The following ALG1L2 variants were observed in gnomAD, a reference collection of about 807,000 sequenced individuals.
The protein encoded by ALG1L2 is ALG1 chitobiosyldiphosphodolichol beta-mannosyltransferase like 2.
A neutral mutation model predicts 29.0 loss-of-function variants in ALG1L2; 32 were observed. That is an observed-to-expected ratio of 1.10 (90% confidence interval 0.83 to 1.48). The LOEUF is 1.48. ALG1L2 is among the 40% of genes most tolerant of loss of function. ALG1L2 has a pLI of 0.00. For synonymous variants in ALG1L2, 110 were observed against 109.5 expected (o/e 1.00, Z -0.03); for missense variants, 318 against 274.1 (o/e 1.16, Z -1.13).
At chr3:130,089,505 AAG>A (rs1934963490) in intron 1 of ALG1L2, 2 of 152,410 alleles carry the variant, frequency 1.3e-5, no homozygotes, top group African/African-American at 2.4e-5. Flanking sequence ...AGAAAAAAAA[AAG>A]AACATAAAAT....
chr3:130,091,162 G>T (rs1378224583), intron 1 of ALG1L2, 99 bp from the exon 2 acceptor site: 10 of 1,107,496 alleles, frequency 9.0e-6, no homozygotes, highest in Non-Finnish European at 1.3e-5. Flanking sequence ...TTTTGCTGAG[G>T]ATGGGTGACG....
chr3:130,093,184 CTGTT>C (rs778534034), intron 4 of ALG1L2, 24 bp downstream of exon 4: 34 of 1,608,368 alleles, frequency 2.1e-5, no homozygotes, highest in Admixed American at 5.0e-5. Flanking sequence ...CCCTGGGTGT[CTGTT>C]TGGTTGGGGG....
intron 7 of ALG1L2, 34 bp downstream of exon 7, chr3:130,097,284 G>C (rs1429622982): frequency 1.2e-6 from 2 of 1,600,374 alleles, no homozygotes; most frequent in African/African-American, 1.3e-5. Context: ...AGGGTGGACA[G>C]GGTTCTGGAG....
intron 1 of ALG1L2, among the ~76,000 whole-genome samples, chr3:130,085,921 CA>C (rs1290752433): frequency 1.3e-5 from 2 of 151,466 alleles, no homozygotes; most frequent in African/African-American, 2.4e-5. Context: ...GGAGAGGGAA[CA>C]AAGATGAGGG....
intron 4 of ALG1L2, chr3:130,094,150 CG>C: frequency 1.9e-6 from 1 of 528,112 alleles, no homozygotes. Flanking sequence ...GTGCTTACCC[CG>C]CCTTGTTTGC....
At position 130,091,330 on chromosome 3, in the gene ALG1L2, C is replaced by A. The variant is rs187201100; in HGVS notation, c.90C>A (p.Leu30=). 3.1e-5 allele frequency: 50 copies of A among 1,597,932 alleles called. No homozygotes were observed. The East Asian group carries it at 4.0e-4, about 13-fold the overall frequency. Reference sequence around the variant, plus strand: ...CACCTCTGGACCTGCAGCACCGGCTCTTCATGAAGCTGGGCAGCACGCACT... The same window carrying A: ...CACCTCTGGACCTGCAGCACCGGCTATTCATGAAGCTGGGCAGCACGCACT... ...KEAPLDLQHR[L]FMKLGSTHSP... Residue 30 remains leucine, a synonymous_variant, in exon 2 of 8, where the codon CTC becomes CTA. Transcript: ENST00000425059.
intron 3 of ALG1L2, 66 bp downstream of exon 3, chr3:130,092,288 C>T (rs1559787399): frequency 1.3e-5 from 20 of 1,585,058 alleles, no homozygotes; most frequent in Middle Eastern, 2.3e-4. Context: ...GTATTCTCCT[C>T]ACCCCTGCCA....
At chr3:130,098,009 G>A (rs1055565252) in intron 7 of ALG1L2, among the ~76,000 whole-genome samples, 2 of 152,164 alleles carry the variant, frequency 1.3e-5, no homozygotes, top group African/African-American at 4.8e-5. Flanking sequence ...GGTGCTCCAG[G>A]GCACCAAGTG....
chr3:130,096,147 G>A lies in ALG1L2; in HGVS notation c.523G>A (p.Ala175Thr), dbSNP rs1935128982. ...GTTCAGGTGCTGTTTGCCTGCGTGT[G>A]CCGTGAACTTCAAGTGGTAGGAGCA... The part of the protein sequence containing the change: ...DMFRCCLPAC[A>T]VNFKCLHELV... The change falls in exon 6 of 8, where the codon GCC (alanine) becomes ACC (threonine). Residue 175 changes from alanine (A) to threonine (T), a missense_variant. Coordinates refer to ENST00000425059, the MANE Select transcript of ALG1L2 (RefSeq NM_001136152.1). 6.2e-7 allele frequency: 1 copy of A among 1,611,982 alleles called. No homozygotes were observed. Among genetic ancestry groups the A allele is most frequent in the Non-Finnish European group, 8.5e-7 (1 of 1,179,838 alleles).
chr3:130,094,395 C>A lies in ALG1L2; in HGVS notation c.314-8C>A. 6.3e-7 allele frequency: 1 copy of A among 1,593,542 alleles called. No individual in the cohort carries two copies. The highest frequency in any genetic ancestry group is 2.2e-5 in the East Asian group (1 of 44,852). ...GGTTCATGGCAGTGTCTGCTCTTCT[C>A]TGTGAAGGCAAAGGGCCTCTGAGGG... is the stretch of plus-strand genomic sequence containing the variant. On this transcript the variant is annotated splice_region_variant and splice_polypyrimidine_tract_variant and intron_variant, in intron 4 of 7. Transcript: ENST00000425059.
At chr3:130,096,261 C>T (rs1481887389) in intron 6 of ALG1L2, 98 bp downstream of exon 6, 37 of 1,408,388 alleles carry the variant, frequency 2.6e-5, no homozygotes, top group Non-Finnish European at 3.3e-5. Context: ...GAGGCCCTGC[C>T]CCTCGGTCAG....
At chr3:130,083,260 A>G (rs547084736) in intron 1 of ALG1L2, among the ~76,000 whole-genome samples, 153 of 141,494 alleles carry the variant, frequency 1.1e-3, no homozygotes, top group Non-Finnish European at 1.8e-3. Flanking sequence ...CCTGGCCAAC[A>G]TGGCGAAACC....
intron 1 of ALG1L2, chr3:130,090,969 T>C: frequency 2.5e-6 from 1 of 402,650 alleles, no homozygotes; most frequent in South Asian, 2.2e-5. Context: ...TGCAGAGCCA[T>C]GTGTGTCTTA....
rs532105793 is a variant in ALG1L2, at chr3:130,096,468, C to T, written c.539+305C>T. Among the ~76,000 whole-genome samples the T allele has an allele frequency of 6.6e-5, 10 of 151,586 alleles. No individual in the cohort carries two copies. In the East Asian group the frequency reaches 9.7e-4, roughly 15 times the overall value. On this transcript the variant is annotated intron_variant, in intron 6 of 7. Transcript: ENST00000425059. ...GAAAAAAAAAAAGCACCTTAAATAA[C>T]AGAACTTCACTCGGGGCTTTTGCTC... is the stretch of plus-strand genomic sequence containing the variant.
chr3:130,097,641 A>G (rs1350549597), intron 7 of ALG1L2, among the ~76,000 whole-genome samples: 1 of 152,234 alleles, frequency 6.6e-6, no homozygotes, highest in Non-Finnish European at 1.5e-5. Flanking sequence ...AAAAAGTAAT[A>G]CATCATTCTT....
chr3:130,092,015 G>A, intron 2 of ALG1L2, 86 bp from the exon 3 acceptor site: 3 of 1,577,640 alleles, frequency 1.9e-6, no homozygotes, highest in Non-Finnish European at 2.6e-6. Flanking sequence ...TTGGGAGCCT[G>A]CAGGCCTCAC....
At chr3:130,091,825 A>C in intron 2 of ALG1L2, 1 of 666,576 alleles carries the variant, frequency 1.5e-6, no homozygotes, top group Non-Finnish European at 2.7e-6. Flanking sequence ...AGGGCGTCCT[A>C]GCACCCTCAT....
chr3:130,098,220 C>G lies in ALG1L2; in HGVS notation c.616-3C>G. On this transcript the variant is annotated splice_polypyrimidine_tract_variant and splice_region_variant and intron_variant, in intron 7 of 7. Transcript: ENST00000425059. ...AGGCAATGAGGTAAGCTCTGCTCTT[C>G]AGTATTTTGCAGATGCTTTTCTCAA... The G allele has an allele frequency of 6.3e-7, 1 of 1,588,480 alleles. No individual in the cohort carries two copies. Among genetic ancestry groups the G allele is most frequent in the Non-Finnish European group, 8.5e-7 (1 of 1,175,596 alleles).
intron 1 of ALG1L2, among the ~76,000 whole-genome samples, chr3:130,086,600 C>T (rs1934894926): frequency 6.7e-6 from 1 of 149,844 alleles, no homozygotes; most frequent in African/African-American, 2.4e-5. Context: ...TTGCTTGAGC[C>T]CAGGAGGTCA....
Sources: gnomAD v4.1 joint callset for allele counts (sites outside exome capture counted in the v4.1 genomes callset) on GRCh38, gnomAD v4.1.1 for gene constraint, MANE v1.5 for transcripts, NCBI Gene and HGNC (gene_info 2026-07-23, HGNC 2026-07-21) for gene names.